The following OXNAD1 variants were observed in gnomAD, a reference collection of about 807,000 sequenced individuals.
OXNAD1 encodes the protein oxidoreductase NAD binding domain containing 1.
A neutral mutation model predicts 32.9 loss-of-function variants in OXNAD1; 34 were observed. The observed-to-expected ratio is 1.03, with a 90% CI of 0.79 to 1.38. The LOEUF (loss-of-function observed/expected upper bound fraction) is 1.38. OXNAD1 is among the 40% of genes most tolerant of loss of function. OXNAD1 has a pLI of 0.00. For synonymous variants in OXNAD1, 134 were observed against 135.2 expected (o/e 0.99, Z 0.06); for missense variants, 407 against 379.4 (o/e 1.07, Z -0.60).
rs1489393147 is a variant in OXNAD1 at position 16,265,713 on chromosome 3, A to G, written c.-159+208A>G. On this transcript the variant is annotated intron_variant, in intron 1 of 8. Transcript: ENST00000285083. This position sits in a 1 kb window ranked among gnomAD's most constrained non-coding sequence, Gnocchi z 4.8. ...TGTGCCAGCTATTGCACTAAGTGGA[A>G]TTGTCAACTCTAGGAGTTTACATGT... The G allele has an allele frequency of 1.3e-5, 3 of 225,256 alleles. No individual in the cohort carries two copies. The highest frequency in any genetic ancestry group is 4.7e-5 in the African/African-American group (2 of 42,728). The allele number at this position is 225,256 out of a possible 1,614,324, so 14.0% of individuals were successfully genotyped here. A position where few individuals can be genotyped will look rare whatever the true frequency, so the allele number is the denominator to read the frequency against.
chr3:16,332,264 T>C (rs978310839), intron 9 of OXNAD1, among the ~76,000 whole-genome samples: 2 of 152,180 alleles, frequency 1.3e-5, no homozygotes, highest in Non-Finnish European at 1.5e-5. Context: ...ATAAATGTTT[T>C]AATTTTATTA....
At position 16,317,236 on chromosome 3, in the gene OXNAD1, G is replaced by T; in HGVS notation, c.*30+13644G>T. The T allele has an allele frequency of 6.2e-7, 1 of 1,611,082 alleles. No homozygotes were observed. The highest frequency in any genetic ancestry group is 1.1e-5 in the South Asian group (1 of 90,980). Reference sequence around the variant, plus strand: ...CTCTGGAGAATCGCCACTGAAACTAGAAATCAGAAAGGATGGGGATAAATA... The same window carrying T: ...CTCTGGAGAATCGCCACTGAAACTATAAATCAGAAAGGATGGGGATAAATA... On this transcript the variant is annotated intron_variant, in intron 9 of 9. Coordinates refer to the OXNAD1 transcript ENST00000435829. This position sits in a 1 kb window ranked among gnomAD's most constrained non-coding sequence, Gnocchi z 4.3.
At chr3:16,333,564 A>C (rs960870611) in intron 9 of OXNAD1, among the ~76,000 whole-genome samples, 2 of 152,214 alleles carry the variant, frequency 1.3e-5, no homozygotes, top group Admixed American at 1.3e-4. Context: ...CATTTAATAA[A>C]ATGTTATTAT....
rs909422540 is a variant in OXNAD1, at chr3:16,290,507, T to C, written c.290+4059T>C. 2.6e-5 allele frequency among the ~76,000 whole-genome samples: 4 copies of C among 152,206 alleles called. No individual in the cohort carries two copies. Among genetic ancestry groups the C allele is most frequent in the Non-Finnish European group, 5.9e-5 (4 of 68,040 alleles). On this transcript the variant is annotated intron_variant, in intron 5 of 8. Coordinates refer to ENST00000285083, the MANE Select transcript of OXNAD1 (RefSeq NM_138381.5). The surrounding 1 kb of genome is among the most constrained non-coding windows in gnomAD (Gnocchi z 4.2). ...CAGCATTGAGCAGCAGAGGGCACTGTAGTTCAGGAGATGAAGCAGCAAAAG... is the reference window on the plus strand; with the variant it reads ...CAGCATTGAGCAGCAGAGGGCACTGCAGTTCAGGAGATGAAGCAGCAAAAG...
intron 9 of OXNAD1, chr3:16,326,633 C>A: frequency 1.5e-6 from 1 of 648,812 alleles, no homozygotes; most frequent in South Asian, 1.9e-5. Context: ...GGCTCTGCTG[C>A]TTCCCAGTGG....
Position 16,288,861 on chromosome 3 carries a change from C to G in OXNAD1, c.290+2413C>G, listed in dbSNP as rs2066245109. 1.3e-5 allele frequency among the ~76,000 whole-genome samples: 2 copies of G among 152,208 alleles called. No individual in the cohort carries two copies. The highest frequency in any genetic ancestry group is 1.3e-4 in the Admixed American group (2 of 15,282). ...GAGCATGCCACCACTGGTCCTCACA[C>G]AGTGTGCAGCTGCCCTGAGTTTCTA... On this transcript the variant is annotated intron_variant, in intron 5 of 8. Transcript: ENST00000285083. The surrounding 1 kb of genome is among the most constrained non-coding windows in gnomAD (Gnocchi z 5.1).
At chr3:16,273,452 G>T (rs906845671) in intron 4 of OXNAD1, among the ~76,000 whole-genome samples, 1 of 150,120 alleles carries the variant, frequency 6.7e-6, no homozygotes, top group Non-Finnish European at 1.5e-5. Flanking sequence ...TGGGTACAGG[G>T]GTACAGTCAT....
chr3:16,337,724 G>C (rs954911314), downstream of OXNAD1, among the ~76,000 whole-genome samples: 3 of 140,634 alleles, frequency 2.1e-5, no homozygotes, highest in African/African-American at 8.3e-5. This position sits in a 1 kb window ranked among gnomAD's most constrained non-coding sequence, Gnocchi z 5.0. Flanking sequence ...CCTGGCGACA[G>C]AGCGAGACTC....
At position 16,301,303 on chromosome 3, in the gene OXNAD1, C is replaced by A. The variant is rs1200466311; in HGVS notation, c.433-323C>A. Among the ~76,000 whole-genome samples the A allele has an allele frequency of 6.6e-6, 1 of 152,210 alleles. No homozygotes were observed. Among genetic ancestry groups the A allele is most frequent in the East Asian group, 1.9e-4 (1 of 5,204 alleles). On this transcript the variant is annotated intron_variant, in intron 6 of 8. Coordinates refer to ENST00000285083, the MANE Select transcript of OXNAD1 (RefSeq NM_138381.5). This position sits in a 1 kb window ranked among gnomAD's most constrained non-coding sequence, Gnocchi z 4.1. ...AGGAGACCCATACTTCAGAGCTGTA[C>A]CCTGCCTTTGAGTCCATTGCCTCTT...
intron 9 of OXNAD1, among the ~76,000 whole-genome samples, chr3:16,331,761 CTTT>C (rs1050791028): frequency 6.6e-6 from 1 of 152,108 alleles, no homozygotes; most frequent in Non-Finnish European, 1.5e-5. Flanking sequence ...GGTATGTTCT[CTTT>C]TTTTGGTTTC....
chr3:16,316,768 T>A lies in OXNAD1; in HGVS notation c.*30+13176T>A. 1 of 1,600,116 alleles carries A rather than the reference T, an allele frequency of 6.2e-7. No individual in the cohort carries two copies. Among genetic ancestry groups the A allele is most frequent in the African/African-American group, 1.3e-5 (1 of 74,654 alleles). The stretch of plus-strand genomic sequence containing the variant: ...CAGGGAAACCAGCCCCCAAACCAGC[T>A]GTTGGTAAGATGCCTTGGGTTTGGC... On this transcript the variant is annotated intron_variant, in intron 9 of 9. Transcript: ENST00000435829. This position sits in a 1 kb window ranked among gnomAD's most constrained non-coding sequence, Gnocchi z 4.5.
rs1277479273 is a variant in OXNAD1 at position 16,288,660 on chromosome 3, C to T, written c.290+2212C>T. 1.3e-5 allele frequency among the ~76,000 whole-genome samples: 2 copies of T among 152,130 alleles called. No homozygotes were observed. The highest frequency in any genetic ancestry group is 4.8e-5 in the African/African-American group (2 of 41,418). On this transcript the variant is annotated intron_variant, in intron 5 of 8. Transcript: ENST00000285083. The surrounding 1 kb of genome is among the most constrained non-coding windows in gnomAD (Gnocchi z 5.1). ...TCCAAGAACTGTAGCAATCCAATCC[C>T]GAGAGAAAGGCCAAAGGCAGAACCA...
intron 1 of OXNAD1, among the ~76,000 whole-genome samples, chr3:16,267,888 G>A (rs1052332930): frequency 6.6e-6 from 1 of 152,174 alleles, no homozygotes; most frequent in Non-Finnish European, 1.5e-5. Context: ...AATCTTAAAT[G>A]TTAAATTTAA....
chr3:16,330,494 TGAGGA>T (rs1192117363), intron 9 of OXNAD1, among the ~76,000 whole-genome samples: 2 of 152,144 alleles, frequency 1.3e-5, no homozygotes, highest in Non-Finnish European at 2.9e-5. Flanking sequence ...GACACTCCAG[TGAGGA>T]GAGAAGAAAG....
intron 4 of OXNAD1, among the ~76,000 whole-genome samples, chr3:16,281,680 G>C (rs2065749256): frequency 6.6e-6 from 1 of 152,170 alleles, no homozygotes; most frequent in East Asian, 1.9e-4. Flanking sequence ...TTTGGACATT[G>C]GAAAATGACT....
exon 10 of OXNAD1, chr3:16,349,892 C>T (rs888538784): frequency 2.6e-5 from 4 of 152,202 alleles, no homozygotes; most frequent in Admixed American, 1.3e-4. Flanking sequence ...CAGCAGGAGT[C>T]GATGTTGCAG....
intron 5 of OXNAD1, among the ~76,000 whole-genome samples, chr3:16,293,279 T>C (rs2066549464): frequency 6.6e-6 from 1 of 152,240 alleles, no homozygotes; most frequent in African/African-American, 2.4e-5. Flanking sequence ...TTCTTTTTTA[T>C]GCTATTATAA....
At position 16,271,653 on chromosome 3, in the gene OXNAD1, T is replaced by G. The variant is rs1359794567; in HGVS notation, c.120-6T>G. 2.5e-6 allele frequency: 4 copies of G among 1,585,964 alleles called. No individual in the cohort carries two copies. Among genetic ancestry groups the G allele is most frequent in the Admixed American group, 1.9e-5 (1 of 51,858 alleles). Reference sequence around the variant, plus strand: ...TGTAATAACCTAATTTTACTTTCTATTAAAGCATAATGAAATCCAAAAGGA... The same window carrying G: ...TGTAATAACCTAATTTTACTTTCTAGTAAAGCATAATGAAATCCAAAAGGA... On this transcript the variant is annotated splice_polypyrimidine_tract_variant and splice_region_variant and intron_variant, in intron 3 of 8. Transcript: ENST00000285083. This position sits in a 1 kb window ranked among gnomAD's most constrained non-coding sequence, Gnocchi z 4.6.
At chr3:16,276,289 T>C in intron 4 of OXNAD1, 1 of 214,728 alleles carries the variant, frequency 4.7e-6, no homozygotes, top group South Asian at 6.7e-5. Flanking sequence ...ATTTTTCTGA[T>C]TTGGCTTTTA....
Sources: allele counts gnomAD v4.1 joint callset (sites outside exome capture counted in the v4.1 genomes callset), GRCh38; gene constraint gnomAD v4.1.1; non-coding constraint Gnocchi (gnomAD v3.1); transcripts MANE v1.5; gene names NCBI Gene and HGNC (gene_info 2026-07-23, HGNC 2026-07-21).